The following KALRN variants were observed in gnomAD, a reference collection of about 807,000 sequenced individuals.
KALRN encodes the protein kalirin.
Under a neutral mutation model 353.7 loss-of-function variants are expected in KALRN, and 70 were observed. That is an observed-to-expected ratio of 0.20 (90% confidence interval 0.16 to 0.24). KALRN has a LOEUF of 0.24. KALRN is among the 10% of genes least tolerant of loss of function. KALRN has a pLI of 1.00. For missense variants in KALRN, 2,791 were observed against 3,756.7 expected (o/e 0.74, Z 6.72); for synonymous variants, 1,391 against 1,434.8 (o/e 0.97, Z 0.69).
At chr3:124,312,590 G>A (rs2078381568) in intron 6 of KALRN, among the ~76,000 whole-genome samples, 1 of 152,222 alleles carries the variant, frequency 6.6e-6, no homozygotes, top group Admixed American at 6.5e-5. Flanking sequence ...AAACATTAAA[G>A]GGAATGGCCA....
chr3:124,693,855 G>A (rs1399837714), intron 52 of KALRN, 24 bp downstream of exon 52: 24 of 1,518,156 alleles, frequency 1.6e-5, no homozygotes, highest in Non-Finnish European at 2.2e-5. Context: ...CATTAGAATT[G>A]GAAACATGGG....
At chr3:124,165,801 A>G (rs1185057496) in intron 1 of KALRN, among the ~76,000 whole-genome samples, 1 of 152,290 alleles carries the variant, frequency 6.6e-6, no homozygotes, top group Admixed American at 6.5e-5. Context: ...ACCCCTTCCA[A>G]GTGCTTTCGC....
At position 124,113,273 on chromosome 3, in the gene KALRN, AG is replaced by A. The variant is rs748066779; in HGVS notation, c.73+79462del. Among the ~76,000 whole-genome samples the A allele has an allele frequency of 3.9e-5, 6 of 152,292 alleles. No homozygotes were observed. The East Asian group carries it at 7.7e-4, about 20-fold the overall frequency. ...ATGTTTACCTTATAGTGTTATTGTAAGGATTAGGTGATGTTACGCATGTTAA... is the reference window on the plus strand; with the variant it reads ...ATGTTTACCTTATAGTGTTATTGTAAGATTAGGTGATGTTACGCATGTTAA... On this transcript the variant is annotated intron_variant, in intron 1 of 59. Coordinates refer to ENST00000682506, the MANE Select transcript of KALRN (RefSeq NM_001388419.1).
chr3:124,294,786 T>C (rs1393038474), intron 5 of KALRN, among the ~76,000 whole-genome samples: 1 of 152,196 alleles, frequency 6.6e-6, no homozygotes, highest in East Asian at 1.9e-4. Context: ...TATCTTCTGA[T>C]CCAGGAGAAT....
chr3:124,199,259 A>G (rs2075734122), intron 1 of KALRN, among the ~76,000 whole-genome samples: 1 of 152,166 alleles, frequency 6.6e-6, no homozygotes, highest in Non-Finnish European at 1.5e-5. Flanking sequence ...TCTCCCTGCC[A>G]GGGCTCCAGA....
chr3:124,085,666 C>T (rs1241317979), intron 1 of KALRN, among the ~76,000 whole-genome samples: 1 of 152,184 alleles, frequency 6.6e-6, no homozygotes, highest in Admixed American at 6.5e-5. Context: ...GGAGCACCTC[C>T]TTTTTCAGAA....
At chr3:124,645,652 C>G (rs200252616) in intron 37 of KALRN, among the ~76,000 whole-genome samples, 129 of 134,282 alleles carry the variant, frequency 9.6e-4, no homozygotes, top group African/African-American at 3.2e-3. Flanking sequence ...CTCTCTCTCT[C>G]TCTCTCTGTG....
At chr3:124,462,682 A>G (rs774910144) in intron 25 of KALRN, 49 bp downstream of exon 25, 2 of 1,086,880 alleles carry the variant, frequency 1.8e-6, no homozygotes, top group South Asian at 1.3e-5. Flanking sequence ...CGTAAAAACC[A>G]GACAACAGGG....
chr3:124,714,997 C>T (rs2150807217), intron 58 of KALRN, among the ~76,000 whole-genome samples: 1 of 127,024 alleles, frequency 7.9e-6, no homozygotes, highest in East Asian at 2.3e-4. Flanking sequence ...GCCTAGGCGA[C>T]AGAGTGAGAC....
intron 3 of KALRN, among the ~76,000 whole-genome samples, chr3:124,240,969 A>G (rs943636444): frequency 6.6e-6 from 1 of 152,192 alleles, no homozygotes; most frequent in African/African-American, 2.4e-5. Context: ...GCAACAAAAA[A>G]TATATATGAA....
intron 10 of KALRN, among the ~76,000 whole-genome samples, chr3:124,366,921 C>T (rs13100541): frequency 0.53 from 59,212 of 111,590 alleles, 16,484 homozygotes; most frequent in East Asian, 0.89. Flanking sequence ...GGTGGCTGGC[C>T]GGGCAGAGGG....
chr3:124,332,256 T>C lies in KALRN; in HGVS notation c.1417-2009T>C, dbSNP rs116444739. On this transcript the variant is annotated intron_variant, in intron 8 of 59. Transcript: ENST00000682506. ...TGTGGCCCCATGGGCAGGAGTAACATCTGCTTCTGTATTCCTGGACCCCCA... is the reference window on the plus strand; with the variant it reads ...TGTGGCCCCATGGGCAGGAGTAACACCTGCTTCTGTATTCCTGGACCCCCA... Among the ~76,000 whole-genome samples, 466 of 152,028 alleles carry C rather than the reference T, an allele frequency of 3.1e-3. 2 individuals are homozygous for C. The highest frequency in any genetic ancestry group is 0.011 in the African/African-American group (443 of 41,484).
intron 21 of KALRN, among the ~76,000 whole-genome samples, chr3:124,448,232 A>C (rs1388947531): frequency 6.6e-6 from 1 of 152,132 alleles, no homozygotes; most frequent in Non-Finnish European, 1.5e-5. Context: ...TTTTTCATTC[A>C]CATAGCTACT....
chr3:124,619,387 C>G (rs140516228), intron 34 of KALRN, among the ~76,000 whole-genome samples: 188 of 151,502 alleles, frequency 1.2e-3, no homozygotes, highest in Non-Finnish European at 2.1e-3. Context: ...TGTAAGGGTT[C>G]AGATATCTCT....
At chr3:124,640,047 A>G (rs2081861153) in intron 37 of KALRN, among the ~76,000 whole-genome samples, 1 of 152,152 alleles carries the variant, frequency 6.6e-6, no homozygotes, top group African/African-American at 2.4e-5. Context: ...CGAGACTCTT[A>G]GTCCTATTCC....
rs535863279 is a variant in KALRN at position 124,277,201 on chromosome 3, C to T, written c.969+7946C>T. ...CTCTGTGTGGTTCAATTGCCTGAGC[C>T]CTTCATGTTGGGAGGGAGGCTTCAA... On this transcript the variant is annotated intron_variant, in intron 5 of 59. Transcript: ENST00000682506. Among the ~76,000 whole-genome samples the T allele has an allele frequency of 7.9e-5, 12 of 152,306 alleles. No individual in the cohort carries two copies. The East Asian group carries it at 2.3e-3, about 29-fold the overall frequency.
In KALRN at chr3:124,033,652, C is replaced by T. The variant is rs2039098305; in HGVS notation, c.-89C>T. On this transcript the variant is annotated 5_prime_UTR_variant, in exon 1 of 60. Transcript: ENST00000682506. This position sits in a 1 kb window ranked among gnomAD's most constrained non-coding sequence, Gnocchi z 6.2. ...CAGCTCTGCGGCCGCAGCAGCTGCGCCCCGCGCCCTCCGCCCACCGGGCGC... is the reference window on the plus strand; with the variant it reads ...CAGCTCTGCGGCCGCAGCAGCTGCGTCCCGCGCCCTCCGCCCACCGGGCGC... 6.6e-6 allele frequency among the ~76,000 whole-genome samples: 1 copy of T among 151,716 alleles called. No homozygotes were observed. The highest frequency in any genetic ancestry group is 1.5e-5 in the Non-Finnish European group (1 of 67,890).
At chr3:124,366,827 C>CA (rs1170789723) in intron 10 of KALRN, among the ~76,000 whole-genome samples, 12 of 143,308 alleles carry the variant, frequency 8.4e-5, no homozygotes, top group Non-Finnish European at 3.0e-5. Context: ...GCTGGCTGGG[C>CA]GGGGGTCTGA....
chr3:124,494,349 C>A (rs962619714), intron 32 of KALRN, among the ~76,000 whole-genome samples: 2 of 152,182 alleles, frequency 1.3e-5, no homozygotes, highest in African/African-American at 4.8e-5. Context: ...CCTAGGTGGC[C>A]TCCCCACATC....
Sources: allele counts gnomAD v4.1 joint callset (sites outside exome capture counted in the v4.1 genomes callset), GRCh38; gene constraint gnomAD v4.1.1; non-coding constraint Gnocchi (gnomAD v3.1); transcripts MANE v1.5; gene names NCBI Gene and HGNC (gene_info 2026-07-23, HGNC 2026-07-21).